CADM2: variants seen among roughly 807,000 people sequenced by gnomAD.
CADM2 encodes the protein cell adhesion molecule 2.
CADM2 carries 12 observed loss-of-function variants against 49.8 expected under a neutral mutation model. That is an observed-to-expected ratio of 0.24 (90% CI 0.15 to 0.39). The LOEUF is 0.39. Among genes scored for constraint, CADM2 ranks in the 10% least tolerant of loss-of-function variants. CADM2 has a pLI of 1.00. For missense variants in CADM2, 378 were observed against 492.3 expected, an observed-to-expected ratio of 0.77 and a Z score of 2.20; for synonymous variants, 214 against 175.4, an observed-to-expected ratio of 1.22 and a Z score of -1.74.
intron 1 of CADM2, among the ~76,000 whole-genome samples, chr3:85,500,667 G>A (rs775739439): frequency 3.3e-5 from 5 of 151,846 alleles, no homozygotes; most frequent in Non-Finnish European, 7.4e-5. Flanking sequence ...ACAGGTGCCC[G>A]CTACTATGCC....
At chr3:85,503,567 TTGAG>T (rs1559873321) in intron 1 of CADM2, among the ~76,000 whole-genome samples, 2 of 152,210 alleles carry the variant, frequency 1.3e-5, no homozygotes, top group African/African-American at 4.8e-5. Context: ...CCTGAGTAGG[TTGAG>T]TATTTTATAG....
intron 2 of CADM2, among the ~76,000 whole-genome samples, chr3:85,749,247 A>T (rs922122677): frequency 1.3e-5 from 2 of 151,738 alleles, no homozygotes; most frequent in African/African-American, 4.9e-5. Context: ...ATTTGTTACT[A>T]ATTACTAATT....
At chr3:85,358,136 G>A (rs541712496) in intron 1 of CADM2, among the ~76,000 whole-genome samples, 2 of 152,122 alleles carry the variant, frequency 1.3e-5, no homozygotes, top group South Asian at 2.1e-4. Context: ...AATGAATACT[G>A]CAAATTGTAT....
rs9859321 is a variant in CADM2 at position 85,104,558 on chromosome 3, T to C, written c.61+144890T>C. On this transcript the variant is annotated intron_variant, in intron 1 of 9. Transcript: ENST00000383699. ...GGATTGACTTGGCGATGCGGGCTCT[T>C]TTTTGGAACCATATGAACTTTAAAG... is the stretch of plus-strand genomic sequence containing the variant. Among the ~76,000 whole-genome samples the C allele has an allele frequency of 1.5e-3, 222 of 152,282 alleles. 1 individual carries two copies. Among genetic ancestry groups the C allele is most frequent in the African/African-American group, 5.1e-3 (212 of 41,568 alleles).
chr3:85,589,038 T>C (rs1461123638), intron 1 of CADM2, among the ~76,000 whole-genome samples: 1 of 152,024 alleles, frequency 6.6e-6, no homozygotes, highest in African/African-American at 2.4e-5. Flanking sequence ...ATGCATTATG[T>C]CAGATTTATA....
intron 1 of CADM2, among the ~76,000 whole-genome samples, chr3:85,338,133 A>G (rs1198203693): frequency 6.6e-6 from 1 of 151,636 alleles, no homozygotes; most frequent in Non-Finnish European, 1.5e-5. Flanking sequence ...TTGCTTGAGT[A>G]TAGTAGAAGA....
intron 1 of CADM2, among the ~76,000 whole-genome samples, chr3:85,278,256 C>T (rs2043408587): frequency 6.6e-6 from 1 of 151,220 alleles, no homozygotes; most frequent in Admixed American, 6.6e-5. Flanking sequence ...TTCTCTTTCC[C>T]AATAAATATG....
chr3:85,893,429 G>A (rs1714752241), intron 5 of CADM2, among the ~76,000 whole-genome samples: 1 of 152,164 alleles, frequency 6.6e-6, no homozygotes, highest in Admixed American at 6.5e-5. Flanking sequence ...TCTGGACATA[G>A]GCATGGGCAA....
intron 7 of CADM2, among the ~76,000 whole-genome samples, chr3:85,956,539 C>T (rs1724068833): frequency 6.6e-6 from 1 of 151,570 alleles, no homozygotes; most frequent in African/African-American, 2.4e-5. Context: ...AGATTTATCA[C>T]AGAGACTAGG....
chr3:85,009,843 G>A lies in CADM2; in HGVS notation c.61+50175G>A, dbSNP rs139907282. Among the ~76,000 whole-genome samples, 927 of 150,270 alleles carry A rather than the reference G, an allele frequency of 6.2e-3. 16 individuals carry two copies. The highest frequency in any genetic ancestry group is 0.022 in the African/African-American group (887 of 40,860). On this transcript the variant is annotated intron_variant, in intron 1 of 9. Coordinates refer to ENST00000383699, the MANE Select transcript of CADM2 (RefSeq NM_001167675.2). The stretch of plus-strand genomic sequence containing the variant: ...ATTGTGCCACTGTGCTCCAGCCTGG[G>A]CAACAGAGCAAGATTCTATCTCAAT...
In CADM2 at chr3:85,693,921, A is replaced by G. The variant is rs150000737; in HGVS notation, c.62-32601A>G. The stretch of plus-strand genomic sequence containing the variant: ...AAAAAAAAAAAAGAAAAAAGAAAAA[A>G]AAAAGAAAAGAAAAGAAAAATCAGA... On this transcript the variant is annotated intron_variant, in intron 1 of 9. Transcript: ENST00000383699. 2.5e-3 allele frequency among the ~76,000 whole-genome samples: 381 copies of G among 151,636 alleles called. 2 individuals are homozygous for G. Among genetic ancestry groups the G allele is most frequent in the African/African-American group, 5.3e-3 (220 of 41,464 alleles).
intron 1 of CADM2, among the ~76,000 whole-genome samples, chr3:85,209,595 T>G (rs1315765795): frequency 2.0e-5 from 3 of 152,070 alleles, no homozygotes; most frequent in Admixed American, 6.5e-5. Context: ...ACTCTGTAAA[T>G]AAAGAGTCTT....
Position 85,958,078 on chromosome 3 carries a change from A to G in CADM2, c.792-3391A>G, listed in dbSNP as rs1724280188. On this transcript the variant is annotated intron_variant, in intron 7 of 9. Transcript: ENST00000383699. ...AAAGGTCTAATATTTAGAATCTACA[A>G]GGAGCTTAAACCAATTTACAAGATA... 2.0e-5 allele frequency among the ~76,000 whole-genome samples: 3 copies of G among 152,032 alleles called. No homozygotes were observed. The South Asian group carries it at 6.2e-4, about 31-fold the overall frequency.
intron 8 of CADM2, among the ~76,000 whole-genome samples, chr3:86,060,893 A>AAT (rs1738553059): frequency 6.6e-6 from 1 of 151,942 alleles, no homozygotes; most frequent in South Asian, 2.1e-4. Flanking sequence ...GAGGCAGGAG[A>AAT]ATCATCTGAA....
intron 3 of CADM2, among the ~76,000 whole-genome samples, chr3:85,814,220 A>G (rs958281324): frequency 3.9e-5 from 6 of 152,042 alleles, no homozygotes; most frequent in African/African-American, 1.4e-4. Context: ...TATTTCCTTG[A>G]GCAGTGATTT....
chr3:85,364,954 T>C (rs543423484), intron 1 of CADM2, among the ~76,000 whole-genome samples: 8 of 152,322 alleles, frequency 5.3e-5, no homozygotes, highest in Admixed American at 3.9e-4. Flanking sequence ...TTCTATAGCA[T>C]TGGAAAATGG....
intron 1 of CADM2, among the ~76,000 whole-genome samples, chr3:85,048,122 G>T (rs2035737833): frequency 6.6e-6 from 1 of 151,942 alleles, no homozygotes; most frequent in Admixed American, 6.6e-5. Context: ...TTCAGATTCA[G>T]CATGTTAAGT....
At chr3:85,326,144 C>T (rs932163872) in intron 1 of CADM2, among the ~76,000 whole-genome samples, 2 of 152,074 alleles carry the variant, frequency 1.3e-5, no homozygotes, top group Non-Finnish European at 2.9e-5. Flanking sequence ...AAGAACATGG[C>T]AAATATTTCT....
chr3:86,041,226 T>A (rs556328322), intron 8 of CADM2, among the ~76,000 whole-genome samples: 1 of 152,256 alleles, frequency 6.6e-6, no homozygotes, highest in South Asian at 2.1e-4. Flanking sequence ...AATTCACACA[T>A]AACAATATTA....
Sources: allele counts gnomAD v4.1 joint callset (sites outside exome capture counted in the v4.1 genomes callset), GRCh38; gene constraint gnomAD v4.1.1; transcripts MANE v1.5; gene names NCBI Gene and HGNC (gene_info 2026-07-23, HGNC 2026-07-21).